The following BRINP3 variants were observed in gnomAD, a reference collection of about 807,000 sequenced individuals.
BRINP3 encodes the protein BMP/retinoic acid-inducible neural-specific protein 3.
A neutral mutation model predicts 71.0 loss-of-function variants in BRINP3; 19 were observed. The observed-to-expected ratio is 0.27, with a 90% CI of 0.19 to 0.39. BRINP3 has a LOEUF of 0.39. BRINP3 is among the 10% of genes least tolerant of loss of function. The probability of loss-of-function intolerance (pLI) is 1.00; values close to 1 mark genes in which losing one functional copy is unlikely to be tolerated. For missense variants in BRINP3, 959 were observed against 940.8 expected (o/e 1.02, Z -0.25); for synonymous variants, 380 against 337.7 (o/e 1.13, Z -1.37).
chr1:190,111,182 TAAA>T (rs750953190), intron 7 of BRINP3, among the ~76,000 whole-genome samples: 7 of 61,794 alleles, frequency 1.1e-4, no homozygotes, highest in African/African-American at 4.0e-4. Context: ...AAGACTCCAT[TAAA>T]AAAAAAAAAA....
intron 2 of BRINP3, among the ~76,000 whole-genome samples, chr1:190,328,485 A>C (rs1666752743): frequency 6.6e-6 from 1 of 152,084 alleles, no homozygotes; most frequent in African/African-American, 2.4e-5. Context: ...GGATTAAATC[A>C]GAAAAGAATG....
rs145569815 is a variant in BRINP3, at chr1:190,160,751, T to A, written c.1101A>T (p.Leu367=). Residue 367 remains leucine, a synonymous_variant, in exon 7 of 8, where the codon CTA becomes CTT. Coordinates refer to ENST00000367462, the MANE Select transcript of BRINP3 (RefSeq NM_199051.3). The stretch of plus-strand genomic sequence containing the variant: ...GCTTGTGTACAATTTTCTGCGCCTT[T>A]AGGAAAAGTTGTTTCATGCTGTTCT... ...QLENSMKQLF[L]KAQKIVHKLF... 3.7e-6 allele frequency: 6 copies of A among 1,613,494 alleles called. No homozygotes were observed. The African/African-American group carries it at 5.3e-5, about 14-fold the overall frequency.
chr1:190,449,588 G>A lies in BRINP3; in HGVS notation c.236+5067C>T, dbSNP rs181648075. On this transcript the variant is annotated intron_variant, in intron 2 of 7. Coordinates refer to ENST00000367462, the MANE Select transcript of BRINP3 (RefSeq NM_199051.3). Reference sequence around the variant, plus strand: ...GTATATATATATATGTACATAATATGTATAATATATTACTGTATTATTTTA... The same window carrying A: ...GTATATATATATATGTACATAATATATATAATATATTACTGTATTATTTTA... Among the ~76,000 whole-genome samples, 45 of 151,892 alleles carry A rather than the reference G, an allele frequency of 3.0e-4. No homozygotes were observed. The East Asian group carries it at 8.5e-3, about 29-fold the overall frequency.
chr1:190,132,703 T>C (rs1043043452), intron 7 of BRINP3, among the ~76,000 whole-genome samples: 2 of 152,120 alleles, frequency 1.3e-5, no homozygotes, highest in African/African-American at 4.8e-5. Flanking sequence ...TTAAAATATG[T>C]TCACAAGTTC....
intron 5 of BRINP3, among the ~76,000 whole-genome samples, chr1:190,229,295 G>C (rs1457070645): frequency 6.6e-6 from 1 of 151,902 alleles, no homozygotes; most frequent in Non-Finnish European, 1.5e-5. Context: ...AGTCTCAGAA[G>C]ATGTGATGGT....
intron 7 of BRINP3, among the ~76,000 whole-genome samples, chr1:190,106,667 TTTATTA>T (rs1652196354): frequency 6.6e-6 from 1 of 151,522 alleles, no homozygotes; most frequent in South Asian, 2.1e-4. Flanking sequence ...CATATATTTA[TTTATTA>T]TTATTTTTTA....
intron 6 of BRINP3, among the ~76,000 whole-genome samples, chr1:190,171,607 A>T (rs1652013944): frequency 6.6e-6 from 1 of 152,136 alleles, no homozygotes; most frequent in African/African-American, 2.4e-5. Flanking sequence ...TTGCTACTGA[A>T]GTGTTACATA....
chr1:190,251,729 G>A (rs188866274), intron 4 of BRINP3, among the ~76,000 whole-genome samples: 1 of 151,804 alleles, frequency 6.6e-6, no homozygotes, highest in East Asian at 1.9e-4. Context: ...GAACAATATG[G>A]GAGGAGTAGA....
chr1:190,205,591 G>T (rs2102629620), intron 6 of BRINP3, among the ~76,000 whole-genome samples: 1 of 152,174 alleles, frequency 6.6e-6, no homozygotes, highest in African/African-American at 2.4e-5. Context: ...GAAAAGAAAT[G>T]ATTGGGCCAG....
At chr1:190,265,997 G>A (rs1314860448) in intron 3 of BRINP3, among the ~76,000 whole-genome samples, 2 of 152,090 alleles carry the variant, frequency 1.3e-5, no homozygotes, top group Admixed American at 6.6e-5. Flanking sequence ...GTTCTCAAAC[G>A]TAAAACGTAA....
chr1:190,350,829 T>G (rs1475579034), intron 2 of BRINP3, among the ~76,000 whole-genome samples: 1 of 151,886 alleles, frequency 6.6e-6, no homozygotes, highest in East Asian at 1.9e-4. Flanking sequence ...CTTGTTTTTT[T>G]TTTTTTTTTT....
intron 2 of BRINP3, among the ~76,000 whole-genome samples, chr1:190,365,315 T>A (rs1380683389): frequency 6.6e-6 from 1 of 151,948 alleles, no homozygotes; most frequent in Non-Finnish European, 1.5e-5. Context: ...CAGTCATCCA[T>A]CCATTCCGTT....
intron 2 of BRINP3, among the ~76,000 whole-genome samples, chr1:190,324,851 G>A (rs1341013861): frequency 6.6e-6 from 1 of 151,760 alleles, no homozygotes; most frequent in East Asian, 1.9e-4. Context: ...AAGCAGAAAA[G>A]CAATATTGAT....
chr1:190,248,031 G>A (rs1659769568), intron 4 of BRINP3, among the ~76,000 whole-genome samples: 1 of 151,656 alleles, frequency 6.6e-6, no homozygotes, highest in Non-Finnish European at 1.5e-5. Flanking sequence ...AAATGCTATG[G>A]AGATCTCAGT....
At chr1:190,405,470 AAAAAAAAAAAAAAAAAAAAAAAC>A (rs770053840) in intron 2 of BRINP3, among the ~76,000 whole-genome samples, 11,103 of 111,542 alleles carry the variant, frequency 0.1, 1,044 homozygotes, top group African/African-American at 0.16. Flanking sequence ...AAAAAAAAAA[AAAAAAAAAAAAAAAAAAAAAAAC>A]CAGAATCAGA....
chr1:190,164,914 A>T (rs1342177942), intron 6 of BRINP3, among the ~76,000 whole-genome samples: 1 of 152,162 alleles, frequency 6.6e-6, no homozygotes, highest in Non-Finnish European at 1.5e-5. Context: ...TTACTTGTTA[A>T]CATGAGGTAA....
chr1:190,433,789 T>C (rs1277456597), intron 2 of BRINP3, among the ~76,000 whole-genome samples: 5 of 152,170 alleles, frequency 3.3e-5, no homozygotes, highest in African/African-American at 1.2e-4. Flanking sequence ...TTGTTTACAA[T>C]ATAAAGGCTA....
intron 2 of BRINP3, among the ~76,000 whole-genome samples, chr1:190,430,074 C>T (rs1673994842): frequency 6.6e-6 from 1 of 152,090 alleles, no homozygotes; most frequent in Non-Finnish European, 1.5e-5. Context: ...CTAAGAAAAA[C>T]TTGTTCACTT....
chr1:190,202,657 C>A lies in BRINP3; in HGVS notation c.961+23425G>T, dbSNP rs150277193. Among the ~76,000 whole-genome samples, 816 of 152,096 alleles carry A rather than the reference C, an allele frequency of 5.4e-3. 4 individuals are homozygous for A. The highest frequency in any genetic ancestry group is 0.014 in the Middle Eastern group (4 of 294). On this transcript the variant is annotated intron_variant, in intron 6 of 7. Transcript: ENST00000367462. ...ATTGAATCATTGGGACAGGTCTTTC[C>A]CATGCTATTGTGATAGTGAATGGGT...
Sources: gnomAD v4.1 joint callset for allele counts (sites outside exome capture counted in the v4.1 genomes callset) on GRCh38, gnomAD v4.1.1 for gene constraint, MANE v1.5 for transcripts, NCBI Gene and HGNC (gene_info 2026-07-23, HGNC 2026-07-21) for gene names.